Variants in RALYL observed in about 807,000 individuals in gnomAD.
RALYL encodes RALY RNA binding protein like.
Under a neutral mutation model 35.1 loss-of-function variants are expected in RALYL, and 29 were observed. That is an observed-to-expected ratio of 0.83 (90% CI 0.61 to 1.13). RALYL has a LOEUF of 1.13. RALYL is among the 50% of genes most tolerant of loss of function. The pLI, the probability that RALYL is intolerant of heterozygous loss-of-function variation, is 0.00. For missense variants in RALYL, 359 were observed against 360.4 expected (o/e 1.00, Z 0.03); for synonymous variants, 120 against 127.6 (o/e 0.94, Z 0.40).
intron 2 of RALYL, among the ~76,000 whole-genome samples, chr8:84,552,038 C>G (rs2060755368): frequency 6.7e-6 from 1 of 150,236 alleles, no homozygotes; most frequent in Non-Finnish European, 1.5e-5. Flanking sequence ...AGAGAGAGTT[C>G]AGTACATTTT....
At chr8:84,287,122 G>A (rs1026890033) in intron 1 of RALYL, among the ~76,000 whole-genome samples, 2 of 152,122 alleles carry the variant, frequency 1.3e-5, no homozygotes, top group Non-Finnish European at 2.9e-5. Flanking sequence ...TTCCTTTGGA[G>A]GAACTCAAGA....
At chr8:84,386,856 C>G (rs1243129227) in intron 1 of RALYL, among the ~76,000 whole-genome samples, 1 of 151,894 alleles carries the variant, frequency 6.6e-6, no homozygotes, top group Admixed American at 6.6e-5. Context: ...AGCCCTTCCT[C>G]TGAAAATGTT....
intron 2 of RALYL, among the ~76,000 whole-genome samples, chr8:84,637,172 A>G (rs1825238703): frequency 6.6e-6 from 1 of 151,932 alleles, no homozygotes; most frequent in Non-Finnish European, 1.5e-5. Context: ...GAGACAACAT[A>G]TGTTTCATTT....
At chr8:84,868,730 G>T (rs1373538914) in intron 6 of RALYL, among the ~76,000 whole-genome samples, 1 of 151,960 alleles carries the variant, frequency 6.6e-6, no homozygotes, top group East Asian at 1.9e-4. Flanking sequence ...GAAAGAATGG[G>T]TATAGATGTA....
intron 1 of RALYL, among the ~76,000 whole-genome samples, chr8:84,222,952 C>A (rs1172679489): frequency 6.6e-6 from 1 of 152,104 alleles, no homozygotes; most frequent in East Asian, 1.9e-4. Context: ...CTACTGCCTG[C>A]CACATCTATC....
At chr8:84,775,219 G>C (rs1171322211) in intron 3 of RALYL, among the ~76,000 whole-genome samples, 1 of 152,142 alleles carries the variant, frequency 6.6e-6, no homozygotes, top group Non-Finnish European at 1.5e-5. Flanking sequence ...GCCTCCCAAA[G>C]TGCTGGGATT....
chr8:84,649,457 A>G (rs1828222591), intron 2 of RALYL, among the ~76,000 whole-genome samples: 1 of 151,770 alleles, frequency 6.6e-6, no homozygotes, highest in African/African-American at 2.4e-5. Flanking sequence ...TAATTTTTGT[A>G]TAAGGTGTAA....
Position 84,403,522 on chromosome 8 carries a change from C to CTTTTTT in RALYL, c.-23-125776_-23-125775insTTTTTT, listed in dbSNP as rs2043136000. Among the ~76,000 whole-genome samples the CTTTTTT allele has an allele frequency of 5.8e-5, 3 of 52,118 alleles. 1 individual carries two copies. The highest frequency in any genetic ancestry group is 4.3e-4 in the Admixed American group (2 of 4,664). The allele number at this position is 52,118 out of a possible 152,430, so 34.2% of individuals were successfully genotyped here. A position where few individuals can be genotyped will look rare whatever the true frequency, so the allele number is the denominator to read the frequency against. On this transcript the variant is annotated intron_variant, in intron 1 of 8. Coordinates refer to ENST00000521268, the MANE Select transcript of RALYL (RefSeq NM_173848.7). ...TGTTCTGTTCCATTGGTCTATATCT[C>CTTTTTT]TGTTTTTTTTTTTTTTTTTTTTTTT...
intron 2 of RALYL, among the ~76,000 whole-genome samples, chr8:84,708,589 C>T (rs1371185006): frequency 6.6e-6 from 1 of 152,028 alleles, no homozygotes; most frequent in East Asian, 1.9e-4. Flanking sequence ...ACATGCAAAC[C>T]TGTTTTTTTA....
At chr8:84,445,983 T>A (rs1238768742) in intron 1 of RALYL, among the ~76,000 whole-genome samples, 1 of 151,884 alleles carries the variant, frequency 6.6e-6, no homozygotes, top group African/African-American at 2.4e-5. Context: ...TTAAAAATAT[T>A]GATTTTCAAA....
chr8:84,872,996 T>G (rs753161188), intron 6 of RALYL: 1 of 251,402 alleles, frequency 4.0e-6, no homozygotes, highest in African/African-American at 2.2e-5. Context: ...TTTAGCATCA[T>G]TGGGTTATTT....
intron 1 of RALYL, among the ~76,000 whole-genome samples, chr8:84,416,739 A>G (rs1043786652): frequency 5.3e-5 from 8 of 152,166 alleles, no homozygotes; most frequent in African/African-American, 1.9e-4. Context: ...CTTTCAGAAA[A>G]CAAAATATTA....
At chr8:84,495,331 C>T (rs1052110034) in intron 1 of RALYL, among the ~76,000 whole-genome samples, 4 of 151,986 alleles carry the variant, frequency 2.6e-5, no homozygotes, top group Non-Finnish European at 2.9e-5. Context: ...TACCTCTTTT[C>T]GGGATAACTA....
intron 1 of RALYL, among the ~76,000 whole-genome samples, chr8:84,303,455 GTGT>G (rs1475425939): frequency 1.3e-5 from 2 of 152,274 alleles, no homozygotes; most frequent in South Asian, 2.1e-4. Context: ...GCTGACAACT[GTGT>G]TGTTGTAGGT....
Position 84,184,969 on chromosome 8 carries a change from C to A in RALYL, c.-24+545C>A, listed in dbSNP as rs972918034. On this transcript the variant is annotated intron_variant, in intron 1 of 8. Coordinates refer to ENST00000521268, the MANE Select transcript of RALYL (RefSeq NM_173848.7). ...GCCTTGAGGATGGCACCGGCCCTCG[C>A]ACGCTCAACTCCTGCTCCTCCTCTT... is the stretch of plus-strand genomic sequence containing the variant. 5.0e-6 allele frequency: 8 copies of A among 1,613,594 alleles called. No homozygotes were observed. In the Admixed American group the frequency reaches 1.0e-4, roughly 20 times the overall value.
At chr8:84,301,203 A>G (rs1840710815) in intron 1 of RALYL, among the ~76,000 whole-genome samples, 1 of 152,060 alleles carries the variant, frequency 6.6e-6, no homozygotes, top group Non-Finnish European at 1.5e-5. Flanking sequence ...TGCTGAATAT[A>G]GGCCCATGAT....
At chr8:84,819,592 C>T (rs1216677860) in intron 4 of RALYL, among the ~76,000 whole-genome samples, 5 of 152,020 alleles carry the variant, frequency 3.3e-5, no homozygotes, top group African/African-American at 1.2e-4. Context: ...GTAGAGTCAT[C>T]AAAAAGAGTC....
intron 1 of RALYL, among the ~76,000 whole-genome samples, chr8:84,479,036 A>G (rs1012073514): frequency 7.8e-6 from 1 of 127,414 alleles, no homozygotes; most frequent in Non-Finnish European, 1.6e-5. Context: ...CAGTGAACCG[A>G]GATTGCACCA....
chr8:84,478,522 T>A (rs959193523), intron 1 of RALYL, among the ~76,000 whole-genome samples: 1 of 152,164 alleles, frequency 6.6e-6, no homozygotes, highest in Non-Finnish European at 1.5e-5. Context: ...TCCATGGATA[T>A]TCTCTACATA....
Sources: allele counts gnomAD v4.1 joint callset (sites outside exome capture counted in the v4.1 genomes callset), GRCh38; gene constraint gnomAD v4.1.1; transcripts MANE v1.5; gene names NCBI Gene and HGNC (gene_info 2026-07-23, HGNC 2026-07-21).